PLEC: variants seen among roughly 807,000 people sequenced by gnomAD.
PLEC encodes the protein hemidesmosomal protein 1.
PLEC carries 216 observed loss-of-function variants against 392.8 expected under a neutral mutation model. That is an observed-to-expected ratio of 0.55 (90% CI 0.49 to 0.62). PLEC has a LOEUF of 0.62. Among genes scored for constraint, PLEC ranks in the 20% least tolerant of loss-of-function variants. The pLI, the probability that PLEC is intolerant of heterozygous loss-of-function variation, is 0.00. For synonymous variants in PLEC, 3,621 were observed against 2,980.6 expected (o/e 1.21, Z -7.00); for missense variants, 6,863 against 6,563.4 (o/e 1.05, Z -1.58).
At chr8:143,949,026 C>T (rs1244272042) in intron 1 of PLEC, among the ~76,000 whole-genome samples, 1 of 152,200 alleles carries the variant, frequency 6.6e-6, no homozygotes, top group Non-Finnish European at 1.5e-5. Context: ...GCAGAGAGAG[C>T]CAGGAGGGGA....
chr8:143,965,554 C>G (rs1833047647), intron 1 of PLEC, among the ~76,000 whole-genome samples: 1 of 152,192 alleles, frequency 6.6e-6, no homozygotes, highest in Non-Finnish European at 1.5e-5. Context: ...CACCCATGAC[C>G]CCAGCGGTGG....
chr8:143,929,206 G>C lies in PLEC; in HGVS notation c.3157C>G (p.Leu1053Val), dbSNP rs1826291643. Reference sequence around the variant, plus strand: ...GGGGCCGCAGGCGATGGCTCTGGTAGGGCCAAGACCTTCTCGGCCTCGGCA... The same window carrying C: ...GGGGCCGCAGGCGATGGCTCTGGTACGGCCAAGACCTTCTCGGCCTCGGCA... ...LSAEAEKVLA[L>V]PEPSPAAPTL... Residue 1053 changes from leucine to valine, a missense_variant, in exon 25 of 32, where the codon CTA becomes GTA. By Grantham distance (32) the Leu-to-Val change is conservative. Coordinates refer to ENST00000345136, the MANE Select transcript of PLEC (RefSeq NM_201384.3). The C allele has an allele frequency of 2.5e-6, 4 of 1,602,824 alleles. No individual in the cohort carries two copies. Among genetic ancestry groups the C allele is most frequent in the Non-Finnish European group, 2.5e-6 (3 of 1,177,966 alleles).
In PLEC at chr8:143,916,292, C is replaced by A. The variant is rs782174299; in HGVS notation, c.13529G>T (p.Gly4510Val). ...AGAGAAGGTCATGGAGAAGCCGGAG[C>A]CGGTGGCGTCAAAGCTGCCGCGGCG... Reference protein sequence around the residue: ...GSRRGSFDATGSGFSMTFSSS... With the variant: ...GSRRGSFDATVSGFSMTFSSS... Residue 4510 changes from glycine to valine, a missense_variant, in exon 32 of 32, where the codon GGC becomes GTC. Physicochemically the swap from Gly to Val is moderately radical, Grantham distance 109. Transcript: ENST00000345136. The A allele has an allele frequency of 2.1e-5, 33 of 1,573,148 alleles. No individual in the cohort carries two copies. The highest frequency in any genetic ancestry group is 1.4e-4 in the African/African-American group (10 of 73,794).
Position 143,932,886 on chromosome 8 carries a change from C to G in PLEC, c.1644G>C (p.Leu548=). The G allele has an allele frequency of 6.2e-7, 1 of 1,612,534 alleles. No individual in the cohort carries two copies. The highest frequency in any genetic ancestry group is 8.5e-7 in the Non-Finnish European group (1 of 1,179,890). The change falls in exon 14 of 32, where the codon CTG becomes CTC. Residue 548 remains leucine, a synonymous_variant. Coordinates refer to ENST00000345136, the MANE Select transcript of PLEC (RefSeq NM_201384.3). ...RVDGAEWGVD[L]PSVEAQLGSH... ...TGCCCAGCTGCGCCTCCACGCTGGGCAGGTCCACACCCCACTCAGCGCCAT... is the reference window on the plus strand; with the variant it reads ...TGCCCAGCTGCGCCTCCACGCTGGGGAGGTCCACACCCCACTCAGCGCCAT...
chr8:143,958,466 C>T, upstream of PLEC: 1 of 316,494 alleles, frequency 3.2e-6, no homozygotes. This position sits in a 1 kb window ranked among gnomAD's most constrained non-coding sequence, Gnocchi z 4.9. Context: ...ACATGACCAT[C>T]CATTAGGGGG....
chr8:143,942,047 T>C (rs192576225), upstream of PLEC, among the ~76,000 whole-genome samples: 1,012 of 152,070 alleles, frequency 6.7e-3, 6 homozygotes, highest in African/African-American at 0.023. Context: ...CTGCAGCAAG[T>C]CCACAGAAGG....
chr8:143,942,688 T>C (rs1830732072), upstream of PLEC, among the ~76,000 whole-genome samples: 1 of 151,912 alleles, frequency 6.6e-6, no homozygotes, highest in South Asian at 2.1e-4. Context: ...CCAAAGAACC[T>C]GCCCCTGGCG....
chr8:143,967,159 C>CGA (rs1349267803), intron 1 of PLEC, among the ~76,000 whole-genome samples: 2 of 151,516 alleles, frequency 1.3e-5, no homozygotes, highest in Non-Finnish European at 2.9e-5. Flanking sequence ...GTCAGGAGAT[C>CGA]GAGACTGTCC....
intron 1 of PLEC, among the ~76,000 whole-genome samples, chr8:143,961,278 T>G (rs1445291187): frequency 6.6e-6 from 1 of 151,308 alleles, no homozygotes; most frequent in Non-Finnish European, 1.5e-5. Flanking sequence ...CAGGCTGGAG[T>G]GCAATGGCGC....
At chr8:143,943,695 G>T, upstream of PLEC, 1 of 1,280,956 alleles carries the variant, frequency 7.8e-7, no homozygotes. Flanking sequence ...AACAGGAAGG[G>T]GAGGGCGCAG....
At chr8:143,944,050 C>T (rs1831030878), upstream of PLEC, 10 of 1,062,140 alleles carry the variant, frequency 9.4e-6, no homozygotes, top group South Asian at 1.6e-4. Flanking sequence ...GGCAGCCCCA[C>T]AACAGCTCCC....
rs868914385 is a variant in PLEC at position 143,918,412 on chromosome 8, C to A, written c.11409G>T (p.Gln3803His). ...TEEALRLLDA[Q>H]LATGGIVDPR... ...GGTCCACGATGCCGCCGGTGGCCAG[C>A]TGGGCATCCAGCAGCCGCAGGGCCT... The change falls in exon 32 of 32, where the codon CAG (glutamine) becomes CAT (histidine). Residue 3803 changes from glutamine to histidine, a missense_variant. Coordinates refer to ENST00000345136, the MANE Select transcript of PLEC (RefSeq NM_201384.3). 6.4e-7 allele frequency: 1 copy of A among 1,571,912 alleles called. No homozygotes were observed.
chr8:143,958,527 C>T (rs1832713826), upstream of PLEC: 2 of 372,358 alleles, frequency 5.4e-6, no homozygotes, highest in Non-Finnish European at 1.1e-5. This position sits in a 1 kb window ranked among gnomAD's most constrained non-coding sequence, Gnocchi z 4.9. Context: ...ACTGTCTCCA[C>T]CACACCCTGG....
chr8:143,931,906 GC>G (rs1292754481), intron 18 of PLEC, 30 bp downstream of exon 18: 6 of 1,573,450 alleles, frequency 3.8e-6, no homozygotes, highest in Non-Finnish European at 4.3e-6. Context: ...CTGCCGCTGA[GC>G]CACAGTGCGG....
chr8:143,958,704 G>A, upstream of PLEC: 2 of 451,022 alleles, frequency 4.4e-6, no homozygotes, highest in Non-Finnish European at 9.0e-6. This position sits in a 1 kb window ranked among gnomAD's most constrained non-coding sequence, Gnocchi z 4.9. Flanking sequence ...CTGCTCTGCT[G>A]CAGCAGGGTG....
intron 1 of PLEC, among the ~76,000 whole-genome samples, chr8:143,970,005 C>T (rs1439890481): frequency 6.6e-6 from 1 of 152,080 alleles, no homozygotes; most frequent in Non-Finnish European, 1.5e-5. Flanking sequence ...CCTGCACTCT[C>T]TTCAGGACCC....
At chr8:143,945,901 G>A (rs560411003) in intron 1 of PLEC, among the ~76,000 whole-genome samples, 2 of 152,384 alleles carry the variant, frequency 1.3e-5, no homozygotes, top group Admixed American at 1.3e-4. Context: ...GCGGCCAGGG[G>A]TCGGGCGGGC....
chr8:143,923,103 C>A lies in PLEC; in HGVS notation c.6826G>T (p.Val2276Leu), dbSNP rs782516270. Residue 2276 changes from valine to leucine, a missense_variant, in exon 31 of 32, where the codon GTG (valine) becomes TTG (leucine). By Grantham distance (32) the Val-to-Leu change is conservative. Transcript: ENST00000345136. ...LQEEAEKMKQ[V>L]AEEAARLSVA... ...CTCAGCCGCGCGGCCTCCTCCGCCA[C>A]CTGCTTCATCTTCTCAGCCTCCTCC... The A allele has an allele frequency of 2.5e-6, 4 of 1,605,978 alleles. No homozygotes were observed. The African/African-American group carries it at 5.3e-5, about 21-fold the overall frequency.
chr8:143,928,005 C>A lies in PLEC; in HGVS notation c.3261-13G>T. On this transcript the variant is annotated splice_polypyrimidine_tract_variant and intron_variant, in intron 25 of 31. Coordinates refer to ENST00000345136, the MANE Select transcript of PLEC (RefSeq NM_201384.3). ...GATGGTCTTGAGCCTGGCGGGAAAG[C>A]GGGGCTCAGGGCCATGACATGGGGC... The A allele has an allele frequency of 6.3e-7, 1 of 1,587,190 alleles. No individual in the cohort carries two copies. Among genetic ancestry groups the A allele is most frequent in the South Asian group, 1.1e-5 (1 of 89,996 alleles).
Sources: gnomAD v4.1 joint callset for allele counts (sites outside exome capture counted in the v4.1 genomes callset) on GRCh38, gnomAD v4.1.1 for gene constraint, Gnocchi (gnomAD v3.1) non-coding constraint, MANE v1.5 for transcripts, NCBI Gene and HGNC (gene_info 2026-07-23, HGNC 2026-07-21) for gene names.